SEMA5A: variants seen among roughly 807,000 people sequenced by gnomAD.
The protein encoded by SEMA5A is semaphorin 5A, also known as semaphorin-5A.
Under a neutral mutation model 135.5 loss-of-function variants are expected in SEMA5A, and 55 were observed. That is an observed-to-expected ratio of 0.41 (90% CI 0.33 to 0.51). The LOEUF is 0.51. SEMA5A is among the 20% of genes least tolerant of loss of function. The probability of loss-of-function intolerance (pLI) is 0.37; values close to 1 mark genes in which losing one functional copy is unlikely to be tolerated. For synonymous variants in SEMA5A, 580 were observed against 546.5 expected (o/e 1.06, Z -0.85); for missense variants, 1,290 against 1,419.9 (o/e 0.91, Z 1.47).
chr5:9,476,610 G>C (rs1759676252), intron 1 of SEMA5A, among the ~76,000 whole-genome samples: 1 of 152,050 alleles, frequency 6.6e-6, no homozygotes, highest in African/African-American at 2.4e-5. Flanking sequence ...CCTGGGCTCT[G>C]AATCTCCAGC....
At chr5:9,467,317 T>C (rs975820915) in intron 1 of SEMA5A, among the ~76,000 whole-genome samples, 7 of 152,120 alleles carry the variant, frequency 4.6e-5, no homozygotes, top group Admixed American at 1.3e-4. Context: ...TTTCACCATC[T>C]TGGCCAGGCT....
At chr5:9,393,037 A>G (rs1756234661) in intron 2 of SEMA5A, among the ~76,000 whole-genome samples, 3 of 152,356 alleles carry the variant, frequency 2.0e-5, no homozygotes, top group African/African-American at 7.2e-5. Flanking sequence ...ATGCGATGCT[A>G]TAAAATCTCA....
In SEMA5A at chr5:9,184,153, C is replaced by T. The variant is rs141729008; in HGVS notation, c.1273+6114G>A. Among the ~76,000 whole-genome samples, 144 of 151,954 alleles carry T rather than the reference C, an allele frequency of 9.5e-4. 1 individual carries two copies. The highest frequency in any genetic ancestry group is 3.2e-3 in the African/African-American group (133 of 41,440). On this transcript the variant is annotated intron_variant, in intron 11 of 22. Coordinates refer to ENST00000382496, the MANE Select transcript of SEMA5A (RefSeq NM_003966.3). ...TTTATTCTTGGATGAGTATAACATGCTCAATTCACATTTTCTTTTTCTCAG... is the reference window on the plus strand; with the variant it reads ...TTTATTCTTGGATGAGTATAACATGTTCAATTCACATTTTCTTTTTCTCAG...
At chr5:9,536,758 T>C (rs1737791531) in intron 1 of SEMA5A, among the ~76,000 whole-genome samples, 1 of 152,246 alleles carries the variant, frequency 6.6e-6, no homozygotes, top group African/African-American at 2.4e-5. Context: ...TTTTCTTTTC[T>C]ATTTACAGCC....
At chr5:9,350,245 A>T (rs2150748080) in intron 3 of SEMA5A, among the ~76,000 whole-genome samples, 1 of 152,350 alleles carries the variant, frequency 6.6e-6, no homozygotes, top group South Asian at 2.1e-4. Flanking sequence ...TACTGATGAA[A>T]GTAACACAGT....
chr5:9,044,350 C>G (rs1170777966), intron 22 of SEMA5A, 23 bp downstream of exon 22: 6 of 1,594,672 alleles, frequency 3.8e-6, no homozygotes, highest in Non-Finnish European at 5.2e-6. Flanking sequence ...AGGCACTTAG[C>G]AGAAATATTA....
intron 2 of SEMA5A, among the ~76,000 whole-genome samples, chr5:9,388,276 A>T (rs1167132147): frequency 6.6e-6 from 1 of 152,184 alleles, no homozygotes; most frequent in Non-Finnish European, 1.5e-5. Flanking sequence ...AATTGTTATT[A>T]TACTTTTGTC....
intron 13 of SEMA5A, among the ~76,000 whole-genome samples, chr5:9,133,992 G>A (rs1225328444): frequency 6.6e-6 from 1 of 152,044 alleles, no homozygotes; most frequent in Non-Finnish European, 1.5e-5. Flanking sequence ...CACAAGATCT[G>A]ATGGTTTAAA....
intron 2 of SEMA5A, chr5:9,380,300 G>A (rs1755542387): frequency 4.7e-6 from 1 of 210,834 alleles, no homozygotes; most frequent in African/African-American, 2.3e-5. Context: ...TCAAGCTTAA[G>A]CTGTACTGTC....
At chr5:9,410,549 A>G (rs748092434) in intron 2 of SEMA5A, among the ~76,000 whole-genome samples, 19 of 152,224 alleles carry the variant, frequency 1.2e-4, no homozygotes, top group Non-Finnish European at 2.4e-4. Flanking sequence ...AAGAAAAAAT[A>G]CATTCCTCAG....
intron 11 of SEMA5A, among the ~76,000 whole-genome samples, chr5:9,167,231 G>A (rs11957354): frequency 5.3e-5 from 8 of 152,110 alleles, no homozygotes; most frequent in Non-Finnish European, 1.0e-4. Flanking sequence ...GCTTTCTTTA[G>A]GCACTGTCTT....
At chr5:9,473,286 C>A (rs1759544995) in intron 1 of SEMA5A, among the ~76,000 whole-genome samples, 1 of 132,008 alleles carries the variant, frequency 7.6e-6, no homozygotes, top group African/African-American at 2.8e-5. Flanking sequence ...TTTACAATAA[C>A]AAAAACAAAC....
At chr5:9,496,484 CTTCCACCTAGACA>C (rs1735307510) in intron 1 of SEMA5A, among the ~76,000 whole-genome samples, 2 of 152,194 alleles carry the variant, frequency 1.3e-5, no homozygotes, top group African/African-American at 4.8e-5. Flanking sequence ...GCACTAGAAA[CTTCCACCTAGACA>C]GTCCACAGAG....
At chr5:9,351,877 C>T (rs1437830670) in intron 3 of SEMA5A, among the ~76,000 whole-genome samples, 2 of 152,296 alleles carry the variant, frequency 1.3e-5, no homozygotes, top group Non-Finnish European at 2.9e-5. Flanking sequence ...TCTCTGTCTG[C>T]AAGGGTCTAG....
At chr5:9,107,713 G>A (rs979380882) in intron 16 of SEMA5A, among the ~76,000 whole-genome samples, 4 of 152,042 alleles carry the variant, frequency 2.6e-5, no homozygotes, top group African/African-American at 9.7e-5. Context: ...TGCATGATTT[G>A]CAGCATCTAG....
chr5:9,243,227 C>G (rs1288574897), intron 5 of SEMA5A, among the ~76,000 whole-genome samples: 5 of 152,164 alleles, frequency 3.3e-5, no homozygotes. Flanking sequence ...TCTGTCTGGG[C>G]CCCTCTCCCA....
chr5:9,331,843 CT>C (rs1301431718), intron 4 of SEMA5A, among the ~76,000 whole-genome samples: 2 of 152,182 alleles, frequency 1.3e-5, no homozygotes, highest in Non-Finnish European at 2.9e-5. Flanking sequence ...TTAATCTTTC[CT>C]TTTTTATCTG....
intron 1 of SEMA5A, among the ~76,000 whole-genome samples, chr5:9,495,942 A>G (rs1735279795): frequency 6.6e-6 from 1 of 152,174 alleles, no homozygotes; most frequent in Non-Finnish European, 1.5e-5. Context: ...TCCCATCCAC[A>G]CACACTAGAA....
At chr5:9,491,816 T>C (rs899364533) in intron 1 of SEMA5A, among the ~76,000 whole-genome samples, 2 of 152,210 alleles carry the variant, frequency 1.3e-5, no homozygotes, top group Non-Finnish European at 2.9e-5. Context: ...GTAAACCTGG[T>C]AGTCCTACAA....
Sources: allele counts gnomAD v4.1 joint callset (sites outside exome capture counted in the v4.1 genomes callset), GRCh38; gene constraint gnomAD v4.1.1; transcripts MANE v1.5; gene names NCBI Gene and HGNC (gene_info 2026-07-23, HGNC 2026-07-21).